Variants in STOX1 observed in about 807,000 individuals in gnomAD.
STOX1 encodes storkhead box 1.
Under a neutral mutation model 74.8 loss-of-function variants are expected in STOX1, and 57 were observed. The ratio of observed to expected loss-of-function variants is 0.76; its 90% CI spans 0.62 to 0.95. The LOEUF (loss-of-function observed/expected upper bound fraction) is 0.95, where lower values mean the gene tolerates loss of function less well. Ranked by LOEUF, STOX1 falls within the 40% of genes least tolerant of loss-of-function variation. STOX1 has a pLI of 0.00. For synonymous variants in STOX1, 375 were observed against 401.3 expected (o/e 0.93, Z 0.78); for missense variants, 1,010 against 1,117.0 (o/e 0.90, Z 1.37).
At chr10:68,889,307 G>A (rs1841043168) in intron 3 of STOX1, among the ~76,000 whole-genome samples, 1 of 152,060 alleles carries the variant, frequency 6.6e-6, no homozygotes, top group Admixed American at 6.5e-5. Flanking sequence ...ATCACTTCTC[G>A]GCCTTTTGGC....
chr10:68,888,077 GCA>G (rs1443648858), intron 3 of STOX1, among the ~76,000 whole-genome samples: 1 of 150,902 alleles, frequency 6.6e-6, no homozygotes, highest in Non-Finnish European at 1.5e-5. Context: ...ACACACGCGC[GCA>G]CACACGCACA....
chr10:68,873,508 G>A lies in STOX1; in HGVS notation c.311-8450G>A, dbSNP rs373861683. On this transcript the variant is annotated intron_variant, in intron 1 of 3. Coordinates refer to ENST00000298596, the MANE Select transcript of STOX1 (RefSeq NM_152709.5). Reference sequence around the variant, plus strand: ...GATCTCCTGACCTCGTGATCCACCCGCCTCAGCCTCCCAAAGTGTTGGGAT... The same window carrying A: ...GATCTCCTGACCTCGTGATCCACCCACCTCAGCCTCCCAAAGTGTTGGGAT... Among the ~76,000 whole-genome samples the A allele has an allele frequency of 4.5e-3, 656 of 146,296 alleles. 3 individuals carry two copies. The highest frequency in any genetic ancestry group is 0.022 in the Middle Eastern group (6 of 272).
chr10:68,838,355 G>A (rs1839612318), intron 1 of STOX1, among the ~76,000 whole-genome samples: 1 of 151,976 alleles, frequency 6.6e-6, no homozygotes, highest in Non-Finnish European at 1.5e-5. Context: ...GCGTGAGCTA[G>A]GACTGTTTTC....
chr10:68,845,440 AT>A (rs1159381843), intron 1 of STOX1, among the ~76,000 whole-genome samples: 2 of 148,638 alleles, frequency 1.3e-5, no homozygotes, highest in Admixed American at 1.3e-4. Flanking sequence ...TGCCCGGCTA[AT>A]TTTTTTGTAT....
intron 1 of STOX1, among the ~76,000 whole-genome samples, chr10:68,828,752 G>T (rs1464425248): frequency 6.6e-6 from 1 of 152,266 alleles, no homozygotes; most frequent in Non-Finnish European, 1.5e-5. Context: ...TTCATGTTCT[G>T]CAGTGTGGTG....
intron 1 of STOX1, among the ~76,000 whole-genome samples, chr10:68,875,862 T>G (rs1840661480): frequency 1.3e-5 from 2 of 152,062 alleles, no homozygotes; most frequent in Admixed American, 6.6e-5. Context: ...GGAGGCTGAT[T>G]CTAACATTGT....
chr10:68,861,560 C>G (rs563577079), intron 1 of STOX1, among the ~76,000 whole-genome samples: 1 of 152,210 alleles, frequency 6.6e-6, no homozygotes, highest in Admixed American at 6.5e-5. Flanking sequence ...GCATGTCCCC[C>G]TTTTTGTTTT....
At chr10:68,889,281 T>C (rs1841042103) in intron 3 of STOX1, among the ~76,000 whole-genome samples, 1 of 152,170 alleles carries the variant, frequency 6.6e-6, no homozygotes, top group Non-Finnish European at 1.5e-5. Flanking sequence ...ATCAGGCTAA[T>C]TAAAAAGTTT....
chr10:68,873,291 C>A (rs191686288), intron 1 of STOX1, among the ~76,000 whole-genome samples: 12,595 of 138,432 alleles, frequency 0.091, 747 homozygotes, highest in Admixed American at 0.16. Context: ...GACGGAGTCT[C>A]GCTCTGTCAC....
chr10:68,883,489 T>C (rs1840860106), intron 2 of STOX1, among the ~76,000 whole-genome samples: 1 of 152,094 alleles, frequency 6.6e-6, no homozygotes, highest in South Asian at 2.1e-4. Context: ...TACAGCTCAT[T>C]GCAACCTCTG....
In STOX1 at chr10:68,878,522, A is replaced by T. The variant is rs1480846723; in HGVS notation, c.311-3436A>T. On this transcript the variant is annotated intron_variant, in intron 1 of 3. Coordinates refer to ENST00000298596, the MANE Select transcript of STOX1 (RefSeq NM_152709.5). ...TGGTATAGGCCTCTGAGAATCACCC[A>T]GTGGGATAGCCACAGCCACACCTAG... Among the ~76,000 whole-genome samples the T allele has an allele frequency of 7.9e-5, 12 of 152,340 alleles. No homozygotes were observed. In the East Asian group the frequency reaches 2.1e-3, roughly 27 times the overall value.
chr10:68,885,967 A>C lies in STOX1; in HGVS notation c.2171A>C (p.Glu724Ala), dbSNP rs774490239. Residue 724 changes from glutamate (E) to alanine (A), a missense_variant, in exon 3 of 4, where the codon GAA becomes GCA. By Grantham distance (107) the Glu-to-Ala change is moderately radical (BLOSUM62 -1). Coordinates refer to ENST00000298596, the MANE Select transcript of STOX1 (RefSeq NM_152709.5). The stretch of plus-strand genomic sequence containing the variant: ...GATGACCAGGCCTTGTATCAGAATG[A>C]AGTGGAAGATGATGATGGTGCCTGT... ...SNDDQALYQN[E>A]VEDDDGACSS... 122 of 1,614,070 alleles carry C rather than the reference A, an allele frequency of 7.6e-5. No individual in the cohort carries two copies. Among genetic ancestry groups the C allele is most frequent in the Non-Finnish European group, 1.0e-4 (119 of 1,180,034 alleles).
At chr10:68,844,359 C>T (rs991968424) in intron 1 of STOX1, among the ~76,000 whole-genome samples, 5 of 132,562 alleles carry the variant, frequency 3.8e-5, no homozygotes, top group Admixed American at 9.1e-5. Context: ...AGTGCAATGG[C>T]GTGATCTTGG....
Position 68,885,438 on chromosome 10 carries a change from A to C in STOX1, c.1642A>C (p.Lys548Gln), listed in dbSNP as rs1210919994. The change falls in exon 3 of 4, where the codon AAA becomes CAA. Residue 548 changes from lysine (K) to glutamine (Q), a missense_variant. Physicochemically the swap from Lys to Gln is moderately conservative, Grantham distance 53. Transcript: ENST00000298596. ...CTCAAGAATCTTTGATGGTAAAGCC[A>C]AAGAGCCATATGCTGAACAACCTAA... is the stretch of plus-strand genomic sequence containing the variant. Reference protein sequence around the residue: ...DSSRIFDGKAKEPYAEQPNDK... With the variant: ...DSSRIFDGKAQEPYAEQPNDK... 6.2e-7 allele frequency: 1 copy of C among 1,614,226 alleles called. No individual in the cohort carries two copies. Among genetic ancestry groups the C allele is most frequent in the Non-Finnish European group, 8.5e-7 (1 of 1,180,042 alleles).
chr10:68,890,743 C>T lies in STOX1; in HGVS notation c.2823-1846C>T, dbSNP rs188563632. Among the ~76,000 whole-genome samples the T allele has an allele frequency of 1.6e-4, 24 of 151,224 alleles. No individual in the cohort carries two copies. The East Asian group carries it at 3.5e-3, about 22-fold the overall frequency. ...TCAGCTCACTGCAACCTCTGCCTCC[C>T]GGGTTCAATTGATTCTCCTGCCTCA... On this transcript the variant is annotated intron_variant, in intron 3 of 3. Transcript: ENST00000298596.
At chr10:68,873,591 T>C (rs1840596247) in intron 1 of STOX1, among the ~76,000 whole-genome samples, 1 of 149,456 alleles carries the variant, frequency 6.7e-6, no homozygotes, top group Admixed American at 6.6e-5. Context: ...TCCTGAGTTT[T>C]AGAAAAATTT....
chr10:68,880,642 CTT>C (rs1840794821), intron 1 of STOX1, among the ~76,000 whole-genome samples: 1 of 150,758 alleles, frequency 6.6e-6, no homozygotes, highest in East Asian at 1.9e-4. Context: ...GGTATGTGCT[CTT>C]TTGTGGGTTC....
intron 1 of STOX1, among the ~76,000 whole-genome samples, chr10:68,860,021 G>T (rs1462488720): frequency 6.6e-6 from 1 of 151,988 alleles, no homozygotes; most frequent in Non-Finnish European, 1.5e-5. Flanking sequence ...GCTATGCGTG[G>T]TGGCTCATGC....
At chr10:68,882,232 A>T in intron 2 of STOX1, 122 bp downstream of exon 2, 1 of 918,340 alleles carries the variant, frequency 1.1e-6, no homozygotes, top group South Asian at 1.5e-5. Flanking sequence ...AGAACTTTAT[A>T]TCAGAACCCT....
Sources: gnomAD v4.1 joint callset for allele counts (sites outside exome capture counted in the v4.1 genomes callset) on GRCh38, gnomAD v4.1.1 for gene constraint, MANE v1.5 for transcripts, NCBI Gene and HGNC (gene_info 2026-07-23, HGNC 2026-07-21) for gene names.